NUP210: variants seen among roughly 807,000 people sequenced by gnomAD.
NUP210 encodes nucleoporin 210.
In NUP210, 151 loss-of-function variants were observed where a neutral mutation model predicts 196.0. The ratio of observed to expected loss-of-function variants is 0.77; its 90% CI spans 0.67 to 0.88. The LOEUF is 0.88. NUP210 is among the 40% of genes least tolerant of loss of function. The pLI is 0.00. For synonymous variants in NUP210, 1,070 were observed against 1,052.7 expected, an observed-to-expected ratio of 1.02 and a Z score of -0.32; for missense variants, 2,314 against 2,493.7, an observed-to-expected ratio of 0.93 and a Z score of 1.53.
rs530989300 is a variant in NUP210, at chr3:13,347,190, C to T, written c.2836-3887G>A. The T allele has an allele frequency of 3.5e-5, 34 of 985,402 alleles. No homozygotes were observed. The East Asian group carries it at 2.8e-3, about 82-fold the overall frequency. 61.0% of individuals were successfully genotyped at this position (985,402 alleles called of 1,614,324 possible). On this transcript the variant is annotated intron_variant, in intron 20 of 39. Coordinates refer to ENST00000254508, the MANE Select transcript of NUP210 (RefSeq NM_024923.4). The surrounding 1 kb of genome is among the most constrained non-coding windows in gnomAD (Gnocchi z 4.7). ...CCCAGGAGATGGAGAGACACAGCTG[C>T]GGCTCACAGGAGCTGGGCCCCCCGG...
At chr3:13,351,427 T>G (rs1311466918) in intron 20 of NUP210, among the ~76,000 whole-genome samples, 1 of 152,340 alleles carries the variant, frequency 6.6e-6, no homozygotes, top group East Asian at 1.9e-4. Context: ...TGACTAAAGT[T>G]GTAGAATGAA....
At chr3:13,319,394 C>T (rs1696413408) in intron 37 of NUP210, 69 bp from the exon 38 acceptor site, 1 of 1,310,270 alleles carries the variant, frequency 7.6e-7, no homozygotes, top group Non-Finnish European at 1.1e-6. Flanking sequence ...ACGTTCCTGC[C>T]CTACTGTACG....
At position 13,337,909 on chromosome 3, in the gene NUP210, C is replaced by T; in HGVS notation, c.3480G>A (p.Val1160=). Residue 1160 remains valine, a synonymous_variant, in exon 26 of 40, where the codon GTG becomes GTA. Coordinates refer to ENST00000254508, the MANE Select transcript of NUP210 (RefSeq NM_024923.4). The part of the protein sequence containing the change: ...GKVVIISQDL[V]QVEVLLLRAV... ...CCCTTAGCAGCAGCACCTCCACCTG[C>T]ACGAGGTCCTGGGGAAACAGGGTGG... The T allele has an allele frequency of 1.2e-6, 2 of 1,612,812 alleles. No individual in the cohort carries two copies. Among genetic ancestry groups the T allele is most frequent in the East Asian group, 2.2e-5 (1 of 44,884 alleles).
At chr3:13,342,762 A>G (rs1289065608) in intron 21 of NUP210, among the ~76,000 whole-genome samples, 1 of 152,146 alleles carries the variant, frequency 6.6e-6, no homozygotes, top group African/African-American at 2.4e-5. Context: ...TCTTTTTGCA[A>G]TGGCGCTTGG....
Position 13,340,432 on chromosome 3 carries a change from G to A in NUP210, c.3229-134C>T. ...CACTTCTCTCTGAGCAGTGACCAGAGGGCCCAGGGTCCTGGGCCAATGCTG... is the reference window on the plus strand; with the variant it reads ...CACTTCTCTCTGAGCAGTGACCAGAAGGCCCAGGGTCCTGGGCCAATGCTG... On this transcript the variant is annotated intron_variant, in intron 23 of 39. Coordinates refer to ENST00000254508, the MANE Select transcript of NUP210 (RefSeq NM_024923.4). The surrounding 1 kb of genome is among the most constrained non-coding windows in gnomAD (Gnocchi z 4.0). 1.3e-6 allele frequency: 1 copy of A among 782,568 alleles called. No individual in the cohort carries two copies. Among genetic ancestry groups the A allele is most frequent in the East Asian group, 2.7e-5 (1 of 37,132 alleles). 48.5% of individuals were successfully genotyped at this position (782,568 alleles called of 1,614,324 possible).
intron 1 of NUP210, among the ~76,000 whole-genome samples, chr3:13,413,587 A>T: frequency 6.6e-6 from 1 of 152,256 alleles, no homozygotes; most frequent in Non-Finnish European, 1.5e-5. Context: ...CCTGGGGGGA[A>T]GCTGCTACCT....
chr3:13,397,424 G>A lies in NUP210; in HGVS notation c.369C>T (p.Ser123=), dbSNP rs147544324. Residue 123 remains serine, a synonymous_variant, in exon 3 of 40, where the codon TCC becomes TCT. Transcript: ENST00000254508. ...CCTCCAGGTAGAGCTCGCGGGTGGT[G>A]GAGACGATCTGGATGTCATGGATGA... The part of the protein sequence containing the change: ...VDLIHDIQIV[S]TTRELYLEDS... The A allele has an allele frequency of 1.2e-6, 2 of 1,613,148 alleles. No homozygotes were observed. The highest frequency in any genetic ancestry group is 1.7e-5 in the Admixed American group (1 of 59,864).
chr3:13,377,078 T>C (rs1698936624), intron 9 of NUP210, among the ~76,000 whole-genome samples: 3 of 152,190 alleles, frequency 2.0e-5, no homozygotes, highest in African/African-American at 7.2e-5. Context: ...AGCCAGGACG[T>C]GCTCCGTGAC....
At chr3:13,344,993 T>A in intron 20 of NUP210, 1 of 985,364 alleles carries the variant, frequency 1.0e-6, no homozygotes, top group Non-Finnish European at 1.2e-6. Flanking sequence ...GTGCCATCAG[T>A]GTTGATGGGA....
chr3:13,381,633 T>C (rs562191480), intron 6 of NUP210, among the ~76,000 whole-genome samples: 13 of 152,144 alleles, frequency 8.5e-5, no homozygotes, highest in Non-Finnish European at 8.8e-5. Context: ...AATGTGGAAG[T>C]CTTCGCAGAT....
At chr3:13,387,790 A>G (rs7616685) in intron 5 of NUP210, among the ~76,000 whole-genome samples, 93,843 of 151,980 alleles carry the variant, frequency 0.62, 30,544 homozygotes, top group African/African-American at 0.84. Flanking sequence ...CCACTACCCT[A>G]AGAATGGGAT....
In NUP210 at chr3:13,365,992, A is replaced by C. The variant is rs147438882; in HGVS notation, c.1886T>G (p.Val629Gly). The C allele has an allele frequency of 5.9e-5, 96 of 1,614,074 alleles. No homozygotes were observed. The highest frequency in any genetic ancestry group is 1.6e-4 in the Middle Eastern group (1 of 6,084). The change falls in exon 14 of 40, where the codon GTC becomes GGC. Residue 629 changes from valine to glycine, a missense_variant. By Grantham distance (109) the Val-to-Gly change is moderately radical. Coordinates refer to ENST00000254508, the MANE Select transcript of NUP210 (RefSeq NM_024923.4). ...TLLVSYRHGH[V>G]HLSAKITIAA... is the part of the protein sequence containing the mutation. ...AATGGTGATCTTGGCACTCAGGTGG[A>C]CGTGGCCGTGTCTGTAGCTCACAAG...
intron 25 of NUP210, among the ~76,000 whole-genome samples, chr3:13,338,951 G>A (rs112580476): frequency 0.028 from 4,298 of 152,148 alleles, 72 homozygotes; most frequent in South Asian, 0.034. Context: ...TACGCCCTCA[G>A]GAGAAAAATC....
intron 28 of NUP210, among the ~76,000 whole-genome samples, chr3:13,335,149 G>A (rs1697158058): frequency 6.6e-6 from 1 of 152,226 alleles, no homozygotes; most frequent in Non-Finnish European, 1.5e-5. Flanking sequence ...TGAGCCCCAA[G>A]CTCAGAATTC....
intron 13 of NUP210, among the ~76,000 whole-genome samples, chr3:13,369,005 C>A (rs910788892): frequency 3.3e-5 from 5 of 152,172 alleles, no homozygotes; most frequent in African/African-American, 1.2e-4. Context: ...CTTGAGGAAC[C>A]ACCATACTGC....
intron 6 of NUP210, among the ~76,000 whole-genome samples, chr3:13,380,746 C>T (rs1699072824): frequency 6.6e-6 from 1 of 152,200 alleles, no homozygotes. Flanking sequence ...ATAGAGGGTG[C>T]CAGGTCAGGA....
chr3:13,402,745 A>G (rs959489607), intron 1 of NUP210, among the ~76,000 whole-genome samples: 1 of 152,212 alleles, frequency 6.6e-6, no homozygotes, highest in Non-Finnish European at 1.5e-5. Flanking sequence ...TTTTTAATAA[A>G]CCTTGTTTTT....
rs751336276 is a variant in NUP210, at chr3:13,340,010, C to A, written c.3315G>T (p.Gln1105His). 6 of 1,613,830 alleles carry A rather than the reference C, an allele frequency of 3.7e-6. No individual in the cohort carries two copies. The highest frequency in any genetic ancestry group is 5.1e-6 in the Non-Finnish European group (6 of 1,180,028). ...TGGAGAAAAGGATGTTGGACTGAGG[C>A]TGGGGGCCGCCCTCGGAGGTGACCT... ...TMQVTSEGGP[Q>H]PQSNILFSIS... The change falls in exon 25 of 40, where the codon CAG becomes CAT. Residue 1105 changes from glutamine to histidine, a missense_variant. Coordinates refer to ENST00000254508, the MANE Select transcript of NUP210 (RefSeq NM_024923.4). This position sits in a 1 kb window ranked among gnomAD's most constrained non-coding sequence, Gnocchi z 4.0.
chr3:13,360,203 AT>A (rs1698321641), intron 15 of NUP210, 66 bp downstream of exon 15: 1 of 1,345,728 alleles, frequency 7.4e-7, no homozygotes, highest in Non-Finnish European at 1.1e-6. Flanking sequence ...AAATAAAACA[AT>A]ACTGAGAGAG....
Sources: allele counts gnomAD v4.1 joint callset (sites outside exome capture counted in the v4.1 genomes callset), GRCh38; gene constraint gnomAD v4.1.1; non-coding constraint Gnocchi (gnomAD v3.1); transcripts MANE v1.5; gene names NCBI Gene and HGNC (gene_info 2026-07-23, HGNC 2026-07-21).